The following PRKN variants were observed in gnomAD, a reference collection of about 807,000 sequenced individuals.
PRKN encodes the protein E3 ubiquitin-protein ligase parkin.
In PRKN, 56 loss-of-function variants were observed where a neutral mutation model predicts 59.5. The observed-to-expected ratio is 0.94, with a 90% CI of 0.76 to 1.18. PRKN has a LOEUF of 1.18. Among genes scored for constraint, PRKN ranks in the 50% most tolerant of loss-of-function variants. The probability of loss-of-function intolerance (pLI) is 0.00; values close to 1 mark genes in which losing one functional copy is unlikely to be tolerated. For missense variants in PRKN, 657 were observed against 596.4 expected, an observed-to-expected ratio of 1.10 and a Z score of -1.06; for synonymous variants, 250 against 222.1, an observed-to-expected ratio of 1.13 and a Z score of -1.12.
At chr6:162,666,289 T>C (rs1158085628) in intron 1 of PRKN, among the ~76,000 whole-genome samples, 1 of 151,572 alleles carries the variant, frequency 6.6e-6, no homozygotes, top group Non-Finnish European at 1.5e-5. Context: ...TAAATAACAA[T>C]GAGACTAGTG....
intron 2 of PRKN, among the ~76,000 whole-genome samples, chr6:162,366,704 G>A (rs976450937): frequency 7.9e-5 from 12 of 152,066 alleles, no homozygotes; most frequent in African/African-American, 2.2e-4. Context: ...TCGGGAGTTC[G>A]AGACCAGCCT....
At chr6:162,263,716 G>A (rs1429443304) in intron 2 of PRKN, among the ~76,000 whole-genome samples, 4 of 152,014 alleles carry the variant, frequency 2.6e-5, no homozygotes, top group Non-Finnish European at 5.9e-5. Flanking sequence ...CACTTTGAGA[G>A]GCCTAGGTGG....
chr6:161,704,106 T>C (rs1257557634), intron 7 of PRKN, among the ~76,000 whole-genome samples: 2 of 152,118 alleles, frequency 1.3e-5, no homozygotes, highest in African/African-American at 2.4e-5. Context: ...TCCACCAGCC[T>C]TGGCCTCCCA....
chr6:162,545,839 G>T lies in PRKN; in HGVS notation c.8-102366C>A, dbSNP rs887955813. 8.6e-5 allele frequency among the ~76,000 whole-genome samples: 13 copies of T among 152,030 alleles called. 1 individual carries two copies. The highest frequency in any genetic ancestry group is 2.4e-4 in the African/African-American group (10 of 41,368). Reference sequence around the variant, plus strand: ...AATTTTCTCCTCCGAATTGGTAATTGGGGGAACAAAAGATGTGGGCAATTA... The same window carrying T: ...AATTTTCTCCTCCGAATTGGTAATTTGGGGAACAAAAGATGTGGGCAATTA... On this transcript the variant is annotated intron_variant, in intron 1 of 11. Transcript: ENST00000366898.
chr6:161,578,099 G>T lies in PRKN; in HGVS notation c.872-8683C>A, dbSNP rs1781203120. ...CACACCAACAAACCAAGTAGATGTA[G>T]AAAGAGCCAAGTGAGCAGAGAGCAA... On this transcript the variant is annotated intron_variant, in intron 7 of 11. Coordinates refer to ENST00000366898, the MANE Select transcript of PRKN (RefSeq NM_004562.3). This position sits in a 1 kb window ranked among gnomAD's most constrained non-coding sequence, Gnocchi z 4.2. 6.6e-6 allele frequency among the ~76,000 whole-genome samples: 1 copy of T among 152,080 alleles called. No individual in the cohort carries two copies. Among genetic ancestry groups the T allele is most frequent in the Non-Finnish European group, 1.5e-5 (1 of 68,020 alleles).
Position 161,527,075 on chromosome 6 carries a change from G to A in PRKN, c.1083+21779C>T, listed in dbSNP as rs923280325. ...GAAGAATCTGTGATCACCTGTGACA[G>A]AGTCTGTCTGGGTAAGGTATCACCT... is the stretch of plus-strand genomic sequence containing the variant. On this transcript the variant is annotated intron_variant, in intron 9 of 11. Coordinates refer to ENST00000366898, the MANE Select transcript of PRKN (RefSeq NM_004562.3). This position sits in a 1 kb window ranked among gnomAD's most constrained non-coding sequence, Gnocchi z 4.6. Among the ~76,000 whole-genome samples the A allele has an allele frequency of 6.6e-6, 1 of 152,218 alleles. No homozygotes were observed. The highest frequency in any genetic ancestry group is 1.5e-5 in the Non-Finnish European group (1 of 68,038).
At chr6:162,104,010 C>A (rs988337187) in intron 4 of PRKN, among the ~76,000 whole-genome samples, 2 of 152,214 alleles carry the variant, frequency 1.3e-5, no homozygotes, top group Non-Finnish European at 2.9e-5. Context: ...CAGAGCAAAG[C>A]CCCTCCATGA....
intron 4 of PRKN, among the ~76,000 whole-genome samples, chr6:162,085,149 A>G (rs1779203152): frequency 6.7e-6 from 1 of 149,454 alleles, no homozygotes; most frequent in Admixed American, 6.8e-5. Flanking sequence ...AATGGGACAT[A>G]CGAGATAGGC....
At chr6:162,212,921 G>C (rs1777450070) in intron 3 of PRKN, among the ~76,000 whole-genome samples, 1 of 152,182 alleles carries the variant, frequency 6.6e-6, no homozygotes, top group African/African-American at 2.4e-5. Context: ...GTGACATTAT[G>C]AGGGCTATGA....
At chr6:162,723,088 C>A (rs765948269) in intron 1 of PRKN, among the ~76,000 whole-genome samples, 1 of 152,106 alleles carries the variant, frequency 6.6e-6, no homozygotes, top group African/African-American at 2.4e-5. Flanking sequence ...TCACTGCACA[C>A]AAGCTTGAAA....
At chr6:162,297,422 C>T (rs954884311) in intron 2 of PRKN, among the ~76,000 whole-genome samples, 1 of 151,978 alleles carries the variant, frequency 6.6e-6, no homozygotes, top group African/African-American at 2.4e-5. Flanking sequence ...CATTCTTTCA[C>T]ATCTGGCACA....
intron 7 of PRKN, among the ~76,000 whole-genome samples, chr6:161,594,978 G>T (rs762609228): frequency 6.6e-6 from 1 of 152,100 alleles, no homozygotes; most frequent in Non-Finnish European, 1.5e-5. Flanking sequence ...AACACTGGTT[G>T]GGGGGGTCCC....
At chr6:161,688,584 G>C (rs1425852307) in intron 7 of PRKN, among the ~76,000 whole-genome samples, 8 of 152,214 alleles carry the variant, frequency 5.3e-5, no homozygotes, top group Admixed American at 3.9e-4. Flanking sequence ...TTCTTCTAGT[G>C]AGTCTTTGTG....
rs373419620 is a variant in PRKN at position 162,464,901 on chromosome 6, T to C, written c.8-21428A>G. Among the ~76,000 whole-genome samples, 32 of 150,358 alleles carry C rather than the reference T, an allele frequency of 2.1e-4. No homozygotes were observed. In the East Asian group the frequency reaches 5.1e-3, roughly 24 times the overall value. On this transcript the variant is annotated intron_variant, in intron 1 of 11. Transcript: ENST00000366898. Reference sequence around the variant, plus strand: ...AAATACAAGTTTTAAGAGCCCCCCCTCCTCCTTCTTAATAAATATTAATGC... The same window carrying C: ...AAATACAAGTTTTAAGAGCCCCCCCCCCTCCTTCTTAATAAATATTAATGC...
rs1785469909 is a variant in PRKN at position 161,372,220 on chromosome 6, G to A, written c.1168-12015C>T. On this transcript the variant is annotated intron_variant, in intron 10 of 11. Transcript: ENST00000366898. This position sits in a 1 kb window ranked among gnomAD's most constrained non-coding sequence, Gnocchi z 4.2. ...AACTATTGTTACAAGTTGACATATG[G>A]GAAAAATCTACACTTGAGCTAGAAA... 6.6e-6 allele frequency among the ~76,000 whole-genome samples: 1 copy of A among 151,596 alleles called. No homozygotes were observed. The highest frequency in any genetic ancestry group is 1.5e-5 in the Non-Finnish European group (1 of 67,892).
chr6:161,660,658 G>A (rs145279133), intron 7 of PRKN, among the ~76,000 whole-genome samples: 57 of 152,236 alleles, frequency 3.7e-4, no homozygotes, highest in African/African-American at 1.2e-3. Context: ...GTCCTGGGCC[G>A]CTCTTTCCCC....
In PRKN at chr6:162,210,093, A is replaced by T. The variant is rs1785138531; in HGVS notation, c.413-8841T>A. 2.0e-5 allele frequency among the ~76,000 whole-genome samples: 3 copies of T among 151,238 alleles called. No individual in the cohort carries two copies. The Admixed American group carries it at 2.0e-4, about 10-fold the overall frequency. On this transcript the variant is annotated intron_variant, in intron 3 of 11. Coordinates refer to ENST00000366898, the MANE Select transcript of PRKN (RefSeq NM_004562.3). ...GTTGTGCACATGCACCCTATAACTT[A>T]AAGTATAATAATAAAAAATAAAATA...
intron 7 of PRKN, among the ~76,000 whole-genome samples, chr6:161,662,826 G>C (rs1217929774): frequency 6.6e-6 from 1 of 152,046 alleles, no homozygotes; most frequent in African/African-American, 2.4e-5. Context: ...AACACATGAG[G>C]ATATCTGTGG....
intron 6 of PRKN, among the ~76,000 whole-genome samples, chr6:161,955,440 A>G (rs1780135550): frequency 6.6e-6 from 1 of 152,238 alleles, no homozygotes; most frequent in Non-Finnish European, 1.5e-5. Flanking sequence ...AATATTTACT[A>G]AATTTTACAT....
Sources: gnomAD v4.1 joint callset for allele counts (sites outside exome capture counted in the v4.1 genomes callset) on GRCh38, gnomAD v4.1.1 for gene constraint, Gnocchi (gnomAD v3.1) non-coding constraint, MANE v1.5 for transcripts, NCBI Gene and HGNC (gene_info 2026-07-23, HGNC 2026-07-21) for gene names.